Variants in SOS1 observed in about 807,000 individuals in gnomAD.
SOS1 encodes the protein son of sevenless homolog 1.
Under a neutral mutation model 157.6 loss-of-function variants are expected in SOS1, and 25 were observed. That is an observed-to-expected ratio of 0.16 (90% confidence interval 0.12 to 0.22). The LOEUF is 0.22. SOS1 is among the 10% of genes least tolerant of loss of function. The pLI, the probability that SOS1 is intolerant of heterozygous loss-of-function variation, is 1.00. For synonymous variants in SOS1, 528 were observed against 534.0 expected, an observed-to-expected ratio of 0.99 and a Z score of 0.16; for missense variants, 1,237 against 1,599.1, an observed-to-expected ratio of 0.77 and a Z score of 3.86.
chr2:39,107,182 G>T (rs973371325), intron 1 of SOS1, among the ~76,000 whole-genome samples: 3 of 152,020 alleles, frequency 2.0e-5, no homozygotes, highest in African/African-American at 7.3e-5. Context: ...TTCATAGCCA[G>T]AGATGACCCT....
chr2:39,062,243 C>G (rs1056804843), intron 2 of SOS1, among the ~76,000 whole-genome samples: 8 of 151,358 alleles, frequency 5.3e-5, no homozygotes, highest in African/African-American at 1.9e-4. Flanking sequence ...TACAGTAAAA[C>G]CCTGTCTCTA....
intron 20 of SOS1, among the ~76,000 whole-genome samples, chr2:38,990,873 A>G (rs2124465982): frequency 6.6e-6 from 1 of 152,208 alleles, no homozygotes; most frequent in East Asian, 1.9e-4. Flanking sequence ...TACATGCACT[A>G]ATCAAGAAAT....
chr2:39,054,085 G>C (rs1389913613), intron 5 of SOS1, among the ~76,000 whole-genome samples: 1 of 151,994 alleles, frequency 6.6e-6, no homozygotes, highest in African/African-American at 2.4e-5. Context: ...TCGCCACCAC[G>C]CCCGGCTAAT....
chr2:39,003,066 C>CAAAAAAAA (rs57338404), intron 17 of SOS1, among the ~76,000 whole-genome samples: 967 of 72,206 alleles, frequency 0.013, 5 homozygotes, highest in Middle Eastern at 0.046. Context: ...GACCTTGTAT[C>CAAAAAAAA]AAAAAAAAAA....
intron 17 of SOS1, among the ~76,000 whole-genome samples, chr2:39,004,677 G>C (rs1433147754): frequency 6.6e-6 from 1 of 151,950 alleles, no homozygotes; most frequent in Non-Finnish European, 1.5e-5. Context: ...AGGACAGATG[G>C]TAGAATTTAA....
In SOS1 at chr2:39,040,178, A is replaced by AT. The variant is rs551524316; in HGVS notation, c.865-4679dup. On this transcript the variant is annotated intron_variant, in intron 6 of 22. Coordinates refer to ENST00000402219, the MANE Select transcript of SOS1 (RefSeq NM_005633.4). ...AAGCGCCCGCCACTACACCCGGCTA[A>AT]TTTTTTTTTTTGTATTTTTTAGTAG... Among the ~76,000 whole-genome samples, 979 of 145,668 alleles carry AT rather than the reference A, an allele frequency of 6.7e-3. 10 individuals are homozygous for AT. The highest frequency in any genetic ancestry group is 0.022 in the African/African-American group (884 of 39,784).
Position 38,983,327 on chromosome 2 carries a change from C to T in SOS1, c.*2497G>A, listed in dbSNP as rs886056008. ...AGAAGGCAAGGATGCCATTTTCTCA[C>T]CTCCACCTAAGGGCATCCAATTGGC... On this transcript the variant is annotated 3_prime_UTR_variant, in exon 23 of 23. Coordinates refer to ENST00000402219, the MANE Select transcript of SOS1 (RefSeq NM_005633.4). 2.0e-5 allele frequency: 3 copies of T among 152,138 alleles called. No homozygotes were observed. The highest frequency in any genetic ancestry group is 1.5e-5 in the Non-Finnish European group (1 of 68,018). 9.4% of individuals were successfully genotyped at this position (152,138 alleles called of 1,614,324 possible).
chr2:39,092,303 T>C (rs1473445407), intron 1 of SOS1, among the ~76,000 whole-genome samples: 1 of 152,126 alleles, frequency 6.6e-6, no homozygotes, highest in African/African-American at 2.4e-5. Context: ...TTGATGTTTC[T>C]TGCGCACCCC....
chr2:39,110,501 T>C (rs117770776), intron 1 of SOS1, among the ~76,000 whole-genome samples: 1 of 151,620 alleles, frequency 6.6e-6, no homozygotes, highest in East Asian at 2.0e-4. Flanking sequence ...AACAGGCTAC[T>C]ACTCTAGGCA....
At chr2:39,054,539 A>G (rs1671137521) in intron 5 of SOS1, 75 bp downstream of exon 5, 1 of 854,270 alleles carries the variant, frequency 1.2e-6, no homozygotes, top group Non-Finnish European at 2.0e-6. Flanking sequence ...GATGAACTGT[A>G]CAACTTCAAA....
At chr2:39,090,943 A>C (rs1325797764) in intron 1 of SOS1, among the ~76,000 whole-genome samples, 1 of 152,092 alleles carries the variant, frequency 6.6e-6, no homozygotes, top group Non-Finnish European at 1.5e-5. Flanking sequence ...ATTTTGGCTC[A>C]CTGCAACCTC....
At chr2:39,060,335 T>C (rs1003098070) in intron 2 of SOS1, among the ~76,000 whole-genome samples, 8 of 152,242 alleles carry the variant, frequency 5.3e-5, no homozygotes, top group African/African-American at 1.9e-4. Flanking sequence ...TACCCTTACA[T>C]ACTGCACACA....
At chr2:39,051,027 G>T in intron 6 of SOS1, 117 bp downstream of exon 6, 1 of 937,954 alleles carries the variant, frequency 1.1e-6, no homozygotes, top group Non-Finnish European at 1.7e-6. Flanking sequence ...AGCAATAACA[G>T]ATAAATAGTC....
At chr2:39,028,518 C>A (rs1291744983) in intron 8 of SOS1, among the ~76,000 whole-genome samples, 1 of 152,142 alleles carries the variant, frequency 6.6e-6, no homozygotes, top group Non-Finnish European at 1.5e-5. Flanking sequence ...TTTCCTCCAA[C>A]ATGGCATTGT....
At chr2:39,043,263 T>C (rs1028355338) in intron 6 of SOS1, among the ~76,000 whole-genome samples, 2 of 151,964 alleles carry the variant, frequency 1.3e-5, no homozygotes, top group African/African-American at 2.4e-5. Context: ...AGTAGAATAC[T>C]ACATTAAAAC....
At chr2:39,100,424 TG>T (rs970182085) in intron 1 of SOS1, among the ~76,000 whole-genome samples, 38 of 152,198 alleles carry the variant, frequency 2.5e-4, no homozygotes, top group South Asian at 2.1e-4. Flanking sequence ...GACAGATGAA[TG>T]AAAAAAGAAA....
chr2:39,111,725 T>C (rs1474386983), intron 1 of SOS1, among the ~76,000 whole-genome samples: 1 of 116,266 alleles, frequency 8.6e-6, no homozygotes, highest in Non-Finnish European at 1.8e-5. Flanking sequence ...CTGGAATCCT[T>C]TTTTTTTTTT....
chr2:39,117,771 T>G (rs987843275), intron 1 of SOS1, among the ~76,000 whole-genome samples: 1 of 152,152 alleles, frequency 6.6e-6, no homozygotes, highest in African/African-American at 2.4e-5. Context: ...GGAGGAGGAA[T>G]AGACTAGAAG....
intron 8 of SOS1, among the ~76,000 whole-genome samples, chr2:39,031,830 T>G (rs1670169180): frequency 6.6e-6 from 1 of 152,182 alleles, no homozygotes; most frequent in Non-Finnish European, 1.5e-5. Flanking sequence ...CATACAAAAA[T>G]CACATTATTG....
Sources: allele counts gnomAD v4.1 joint callset (sites outside exome capture counted in the v4.1 genomes callset), GRCh38; gene constraint gnomAD v4.1.1; transcripts MANE v1.5; gene names NCBI Gene and HGNC (gene_info 2026-07-23, HGNC 2026-07-21).